The following NCKAP5 variants were observed in gnomAD, a reference collection of about 807,000 sequenced individuals.
The protein encoded by NCKAP5 is nck-associated protein 5.
A neutral mutation model predicts 167.0 loss-of-function variants in NCKAP5; 92 were observed. The observed-to-expected ratio is 0.55, with a 90% confidence interval of 0.47 to 0.66. NCKAP5 has a LOEUF of 0.66. Ranked by LOEUF, NCKAP5 falls within the 30% of genes least tolerant of loss-of-function variation. The probability of loss-of-function intolerance (pLI) is 0.00; values close to 1 mark genes in which losing one functional copy is unlikely to be tolerated. For missense variants in NCKAP5, 2,378 were observed against 2,315.0 expected (o/e 1.03, Z -0.56); for synonymous variants, 891 against 877.4 (o/e 1.02, Z -0.27).
At chr2:133,178,811 C>A (rs2084595635) in intron 5 of NCKAP5, among the ~76,000 whole-genome samples, 1 of 117,868 alleles carries the variant, frequency 8.5e-6, no homozygotes. Flanking sequence ...GGCAACAGAG[C>A]AAGGCAAGAC....
intron 19 of NCKAP5, among the ~76,000 whole-genome samples, chr2:132,676,059 AG>A (rs1684420831): frequency 6.6e-6 from 1 of 152,136 alleles, no homozygotes; most frequent in African/African-American, 2.4e-5. Context: ...CTGGATCTAA[AG>A]GTGGTAGCAG....
intron 2 of NCKAP5, among the ~76,000 whole-genome samples, chr2:133,553,006 T>G (rs758406288): frequency 2.0e-5 from 3 of 152,158 alleles, no homozygotes; most frequent in Non-Finnish European, 4.4e-5. Flanking sequence ...TTCATGCACA[T>G]TAAAATATTA....
intron 3 of NCKAP5, among the ~76,000 whole-genome samples, chr2:133,343,177 T>C (rs1404108418): frequency 1.3e-5 from 2 of 152,224 alleles, no homozygotes; most frequent in Non-Finnish European, 2.9e-5. Context: ...GCAGTGCTCA[T>C]AAGGGACAGC....
the NCKAP5 span, among the ~76,000 whole-genome samples, chr2:133,581,744 A>G: frequency 6.6e-6 from 1 of 152,184 alleles, no homozygotes. Context: ...TATCACAGAC[A>G]TGCCCCTGGA....
intron 3 of NCKAP5, among the ~76,000 whole-genome samples, chr2:133,348,975 A>G (rs188276796): frequency 1.3e-5 from 2 of 152,334 alleles, no homozygotes; most frequent in East Asian, 3.9e-4. Flanking sequence ...ATGCTGAGTA[A>G]TGTAAAATAT....
intron 2 of NCKAP5, among the ~76,000 whole-genome samples, chr2:133,536,151 A>G (rs990905711): frequency 1.3e-5 from 2 of 151,932 alleles, no homozygotes; most frequent in African/African-American, 4.8e-5. Flanking sequence ...ATTAAGTCCT[A>G]TTTGTCTATT....
At chr2:132,965,837 G>T (rs900762103) in intron 7 of NCKAP5, among the ~76,000 whole-genome samples, 13 of 151,370 alleles carry the variant, frequency 8.6e-5, no homozygotes, top group African/African-American at 2.4e-4. Context: ...CATAAAAAAG[G>T]TACAGTAAAA....
At chr2:132,726,485 A>G (rs1030732875) in intron 18 of NCKAP5, among the ~76,000 whole-genome samples, 9 of 152,144 alleles carry the variant, frequency 5.9e-5, no homozygotes, top group Non-Finnish European at 1.0e-4. Context: ...TAAGCAGAAT[A>G]CTGGATCCAG....
At chr2:132,870,739 A>C (rs1690747625) in intron 9 of NCKAP5, among the ~76,000 whole-genome samples, 1 of 139,168 alleles carries the variant, frequency 7.2e-6, no homozygotes, top group Non-Finnish European at 1.5e-5. Context: ...AGTCGAACAG[A>C]TTATAGTAAG....
chr2:133,132,553 A>G (rs1446877530), intron 5 of NCKAP5, among the ~76,000 whole-genome samples: 1 of 151,816 alleles, frequency 6.6e-6, no homozygotes, highest in Non-Finnish European at 1.5e-5. Flanking sequence ...TAAGGAATTA[A>G]GACTATGAGG....
chr2:133,020,797 C>T (rs1457247203), intron 6 of NCKAP5, among the ~76,000 whole-genome samples: 2 of 152,120 alleles, frequency 1.3e-5, no homozygotes, highest in African/African-American at 4.8e-5. Flanking sequence ...GACATCCTCA[C>T]AACACAAGGT....
chr2:133,153,372 CTG>C (rs1309456243), intron 5 of NCKAP5, among the ~76,000 whole-genome samples: 1 of 152,070 alleles, frequency 6.6e-6, no homozygotes, highest in Non-Finnish European at 1.5e-5. Flanking sequence ...TCATGGGAAA[CTG>C]TGTTGGGGGT....
upstream of NCKAP5, among the ~76,000 whole-genome samples, chr2:133,570,775 C>A (rs1364491656): frequency 2.0e-5 from 3 of 152,148 alleles, no homozygotes; most frequent in Non-Finnish European, 2.9e-5. Context: ...ACAGGTGTGA[C>A]CAGCTCCTTG....
intron 6 of NCKAP5, among the ~76,000 whole-genome samples, chr2:133,037,626 T>C (rs538370924): frequency 1.5e-3 from 222 of 152,264 alleles, no homozygotes; most frequent in African/African-American, 4.8e-3. Context: ...TTCCTATCTT[T>C]CACCATATAC....
chr2:133,253,696 G>A (rs976943658), intron 4 of NCKAP5, among the ~76,000 whole-genome samples: 1 of 152,156 alleles, frequency 6.6e-6, no homozygotes, highest in Admixed American at 6.5e-5. Flanking sequence ...CCTAGTCTCA[G>A]TTTCCTTATA....
intron 12 of NCKAP5, among the ~76,000 whole-genome samples, chr2:132,795,264 A>C (rs186810536): frequency 6.6e-6 from 1 of 152,242 alleles, no homozygotes; most frequent in African/African-American, 2.4e-5. Context: ...GATACACAGA[A>C]CCCCATGAAT....
At chr2:132,776,266 C>A (rs1682534922) in intron 15 of NCKAP5, among the ~76,000 whole-genome samples, 1 of 152,176 alleles carries the variant, frequency 6.6e-6, no homozygotes. Context: ...AAACATTTTT[C>A]ATGCATGTGT....
At chr2:133,592,387 C>T in the NCKAP5 span, among the ~76,000 whole-genome samples, 2 of 152,246 alleles carry the variant, frequency 1.3e-5, no homozygotes, top group Non-Finnish European at 2.9e-5. Flanking sequence ...CTTGTACCTT[C>T]ACAGGCATCT....
Position 132,785,493 on chromosome 2 carries a change from C to G in NCKAP5, c.1318G>C (p.Gly440Arg). The G allele has an allele frequency of 6.2e-7, 1 of 1,613,078 alleles. No homozygotes were observed. Among genetic ancestry groups the G allele is most frequent in the Non-Finnish European group, 8.5e-7 (1 of 1,179,484 alleles). ...TCCTTGAGGCTGCTACTTTTAATTC[C>G]AGGAGAATATATTCCTTCATTCGAG... The part of the protein sequence containing the change: ...MNSNEGIYSP[G>R]IKSSSLKEYP... The change falls in exon 14 of 20, where the codon GGA becomes CGA. Residue 440 changes from glycine to arginine, a missense_variant. Gly to Arg is a moderately radical substitution (Grantham distance 125). Around this residue, in one of 3 missense-constraint regions of NCKAP5, gnomAD observed 1,049 missense variants for 1,023.4 expected, o/e 1.02. Coordinates refer to ENST00000409261, the MANE Select transcript of NCKAP5 (RefSeq NM_207363.3).
Sources: allele counts gnomAD v4.1 joint callset (sites outside exome capture counted in the v4.1 genomes callset), GRCh38; gene constraint gnomAD v4.1.1; regional missense constraint gnomAD v4.1.1; transcripts MANE v1.5; gene names NCBI Gene and HGNC (gene_info 2026-07-23, HGNC 2026-07-21).